CRPPA: variants seen among roughly 807,000 people sequenced by gnomAD.
CRPPA encodes the protein CDP-L-ribitol pyrophosphorylase A.
CRPPA carries 43 observed loss-of-function variants against 52.0 expected under a neutral mutation model. That is an observed-to-expected ratio of 0.83 (90% confidence interval 0.65 to 1.07). The LOEUF is 1.07. CRPPA is among the 50% of genes least tolerant of loss of function. The pLI, the probability that CRPPA is intolerant of heterozygous loss-of-function variation, is 0.00. For synonymous variants in CRPPA, 250 were observed against 203.5 expected, an observed-to-expected ratio of 1.23 and a Z score of -1.94; for missense variants, 629 against 551.7, an observed-to-expected ratio of 1.14 and a Z score of -1.40.
At chr7:16,344,492 T>G (rs1352134416) in intron 3 of CRPPA, among the ~76,000 whole-genome samples, 2 of 151,382 alleles carry the variant, frequency 1.3e-5, no homozygotes, top group Non-Finnish European at 2.9e-5. Flanking sequence ...GCCTGGAAGT[T>G]CAAGGCTACA....
In CRPPA at chr7:16,421,265, C is replaced by G; in HGVS notation, c.58G>C (p.Gly20Arg). The G allele has an allele frequency of 1.5e-6, 2 of 1,309,462 alleles. No individual in the cohort carries two copies. The highest frequency in any genetic ancestry group is 2.0e-6 in the Non-Finnish European group (2 of 1,022,558). The allele number at this position is 1,309,462 out of a possible 1,614,324, so 81.1% of individuals were successfully genotyped here. Residue 20 changes from glycine to arginine, a missense_variant, in exon 1 of 10, where the codon GGT becomes CGT. Gly to Arg is a moderately radical substitution (Grantham distance 125). Transcript: ENST00000407010. ...GCCGTGTGGTCCGCGCCGCGCTGAC[C>G]ACTCAGGCAAGGACCCGGCTCCGCC... ...RPAEPGPCLS[G>R]QRGADHTASA...
intron 9 of CRPPA, among the ~76,000 whole-genome samples, chr7:16,155,282 A>G (rs1244508345): frequency 2.0e-5 from 3 of 152,184 alleles, no homozygotes; most frequent in Non-Finnish European, 4.4e-5. Context: ...TCTGCATATC[A>G]TATTCCCCCA....
At chr7:16,102,586 C>T (rs980459492) in intron 9 of CRPPA, among the ~76,000 whole-genome samples, 6 of 151,914 alleles carry the variant, frequency 3.9e-5, no homozygotes, top group African/African-American at 1.2e-4. Flanking sequence ...CCAGAATCTA[C>T]AAGGAACTTA....
chr7:16,384,238 A>G (rs1787195699), intron 2 of CRPPA, among the ~76,000 whole-genome samples: 1 of 152,194 alleles, frequency 6.6e-6, no homozygotes, highest in Non-Finnish European at 1.5e-5. Flanking sequence ...GTAGAGAGCT[A>G]TGAAGCTCTC....
intron 5 of CRPPA, among the ~76,000 whole-genome samples, 158 bp from the exon 6 acceptor site, chr7:16,278,384 T>A (rs561122375): frequency 6.1e-4 from 93 of 152,346 alleles, no homozygotes; most frequent in African/African-American, 1.9e-3. Flanking sequence ...CACACTGAGA[T>A]GGCCTTGATT....
At chr7:16,287,698 G>A (rs942757791) in intron 5 of CRPPA, among the ~76,000 whole-genome samples, 13 of 152,120 alleles carry the variant, frequency 8.5e-5, no homozygotes, top group African/African-American at 2.9e-4. Flanking sequence ...AAAGCGAATG[G>A]ATTGCTTGAG....
chr7:16,403,701 G>T (rs376046745), intron 2 of CRPPA, among the ~76,000 whole-genome samples: 1 of 152,132 alleles, frequency 6.6e-6, no homozygotes, highest in African/African-American at 2.4e-5. Flanking sequence ...GAACTGGCAG[G>T]ACATAGTGCC....
At chr7:16,198,176 A>C (rs1376265477) in intron 9 of CRPPA, among the ~76,000 whole-genome samples, 19 of 30,956 alleles carry the variant, frequency 6.1e-4, no homozygotes, top group African/African-American at 2.3e-3. Context: ...GTAAAAGAGG[A>C]AGGAATGCCT....
At chr7:16,198,721 A>T (rs1213283251) in intron 9 of CRPPA, among the ~76,000 whole-genome samples, 1 of 135,542 alleles carries the variant, frequency 7.4e-6, no homozygotes, top group East Asian at 2.8e-4. Context: ...ATACTTGCGC[A>T]GCATTTTTTT....
rs549626927 is a variant in CRPPA, at chr7:16,250,443, T to C, written c.1119+7947A>G. Among the ~76,000 whole-genome samples, 55 of 151,708 alleles carry C rather than the reference T, an allele frequency of 3.6e-4. No individual in the cohort carries two copies. The South Asian group carries it at 5.4e-3, about 15-fold the overall frequency. ...ATCGTCAGACTGATCAAGGTTGAAA[T>C]GAAGGAAAAAAGGTTAAGGGTAGCT... On this transcript the variant is annotated intron_variant, in intron 8 of 9. Transcript: ENST00000407010.
chr7:16,420,726 A>C (rs1004387316), intron 1 of CRPPA, among the ~76,000 whole-genome samples: 2 of 152,154 alleles, frequency 1.3e-5, no homozygotes, highest in South Asian at 2.1e-4. Context: ...CCGCGAGACT[A>C]TCCGCACAGC....
At chr7:16,191,933 T>C (rs546631310) in intron 9 of CRPPA, among the ~76,000 whole-genome samples, 2 of 152,134 alleles carry the variant, frequency 1.3e-5, no homozygotes, top group African/African-American at 2.4e-5. Context: ...AATGCAGAGA[T>C]TGTATGATTT....
chr7:16,178,486 G>A (rs1781348950), intron 9 of CRPPA, among the ~76,000 whole-genome samples: 1 of 152,042 alleles, frequency 6.6e-6, no homozygotes, highest in Admixed American at 6.6e-5. Context: ...ACTGAGAAAT[G>A]GTGGGATAAA....
At chr7:16,280,471 T>G (rs1209370381) in intron 5 of CRPPA, among the ~76,000 whole-genome samples, 1 of 152,174 alleles carries the variant, frequency 6.6e-6, no homozygotes, top group East Asian at 1.9e-4. Flanking sequence ...ATCAAGAAAT[T>G]TAATGTACAA....
intron 3 of CRPPA, among the ~76,000 whole-genome samples, chr7:16,330,526 C>T (rs1348596124): frequency 6.6e-6 from 1 of 152,150 alleles, no homozygotes. Flanking sequence ...ACTGGAGGAA[C>T]AAGTGCCTGC....
At chr7:16,412,930 C>A (rs1788106057) in intron 1 of CRPPA, among the ~76,000 whole-genome samples, 1 of 152,152 alleles carries the variant, frequency 6.6e-6, no homozygotes, top group Admixed American at 6.5e-5. Flanking sequence ...GAATACTCGG[C>A]CCAGACAGTT....
intron 6 of CRPPA, among the ~76,000 whole-genome samples, chr7:16,268,196 G>A (rs1784002562): frequency 6.6e-6 from 1 of 151,916 alleles, no homozygotes; most frequent in Non-Finnish European, 1.5e-5. Flanking sequence ...ATATTATCTA[G>A]ACAAATGTCT....
chr7:16,356,568 C>T (rs534373438), intron 3 of CRPPA, among the ~76,000 whole-genome samples: 114 of 152,260 alleles, frequency 7.5e-4, no homozygotes, highest in African/African-American at 2.7e-3. Flanking sequence ...TCTCTTTGAA[C>T]GCTGCATAAA....
Position 16,341,384 on chromosome 7 carries a change from C to T in CRPPA, c.685-32757G>A, listed in dbSNP as rs560640610. On this transcript the variant is annotated intron_variant, in intron 3 of 9. Transcript: ENST00000407010. ...GGGGCTATAAAGGATCTCTCTGTAC[C>T]TCCTCCATCTTGCTGTAAAATTGCT... 4.7e-4 allele frequency among the ~76,000 whole-genome samples: 71 copies of T among 152,090 alleles called. 1 individual carries two copies. The highest frequency in any genetic ancestry group is 1.6e-3 in the African/African-American group (67 of 41,512).
Sources: gnomAD v4.1 joint callset for allele counts (sites outside exome capture counted in the v4.1 genomes callset) on GRCh38, gnomAD v4.1.1 for gene constraint, MANE v1.5 for transcripts, NCBI Gene and HGNC (gene_info 2026-07-23, HGNC 2026-07-21) for gene names.